CDK17: variants seen among roughly 807,000 people sequenced by gnomAD.
CDK17 encodes the protein cyclin dependent kinase 17, also known as cyclin-dependent kinase 17.
CDK17 carries 24 observed loss-of-function variants against 77.6 expected under a neutral mutation model. That is an observed-to-expected ratio of 0.31 (90% CI 0.22 to 0.44). CDK17 has a LOEUF of 0.44. Among genes scored for constraint, CDK17 ranks in the 20% least tolerant of loss-of-function variants. The probability of loss-of-function intolerance (pLI) is 1.00; values close to 1 mark genes in which losing one functional copy is unlikely to be tolerated. For synonymous variants in CDK17, 203 were observed against 210.4 expected, an observed-to-expected ratio of 0.96 and a Z score of 0.30; for missense variants, 429 against 622.5, an observed-to-expected ratio of 0.69 and a Z score of 3.31.
At chr12:96,339,590 C>T (rs944934857) in intron 1 of CDK17, among the ~76,000 whole-genome samples, 1 of 150,976 alleles carries the variant, frequency 6.6e-6, no homozygotes, top group East Asian at 1.9e-4. Context: ...CAGACAATAA[C>T]ATTTATTATC....
chr12:96,371,985 G>C (rs1240737254), intron 1 of CDK17, among the ~76,000 whole-genome samples: 1 of 114,004 alleles, frequency 8.8e-6, no homozygotes, highest in African/African-American at 3.6e-5. Flanking sequence ...CGGAGAGAGA[G>C]AGACAGTGTG....
At chr12:96,388,514 T>C (rs1392250159) in intron 1 of CDK17, among the ~76,000 whole-genome samples, 1 of 152,160 alleles carries the variant, frequency 6.6e-6, no homozygotes, top group Non-Finnish European at 1.5e-5. Flanking sequence ...CTGGGAAATA[T>C]GCAAAGTTCA....
At chr12:96,336,754 T>C (rs1481825700) in intron 1 of CDK17, among the ~76,000 whole-genome samples, 1 of 152,236 alleles carries the variant, frequency 6.6e-6, no homozygotes, top group Non-Finnish European at 1.5e-5. Flanking sequence ...TGTTGTGCTC[T>C]TAGTTTTAGT....
Position 96,282,603 on chromosome 12 carries a change from T to C in CDK17, c.1366-4A>G, listed in dbSNP as rs1403266482. On this transcript the variant is annotated splice_region_variant and splice_polypyrimidine_tract_variant and intron_variant, in intron 14 of 16. Transcript: ENST00000261211. Reference sequence around the variant, plus strand: ...AAACCCTTTTCTTAGATTCATACTGTGAAAAAGCAAAGAACTGCTTCATTA... The same window carrying C: ...AAACCCTTTTCTTAGATTCATACTGCGAAAAAGCAAAGAACTGCTTCATTA... 4 of 1,595,582 alleles carry C rather than the reference T, an allele frequency of 2.5e-6. No homozygotes were observed. The highest frequency in any genetic ancestry group is 3.3e-5 in the Admixed American group (2 of 59,788).
chr12:96,359,791 C>T (rs1182969156), intron 1 of CDK17, among the ~76,000 whole-genome samples: 1 of 152,008 alleles, frequency 6.6e-6, no homozygotes, highest in East Asian at 1.9e-4. Context: ...AAAGTTTAAA[C>T]CAAATCCCCA....
intron 1 of CDK17, among the ~76,000 whole-genome samples, chr12:96,369,704 G>A (rs1045598956): frequency 5.3e-5 from 8 of 152,160 alleles, no homozygotes; most frequent in South Asian, 2.1e-4. Context: ...GTTTGAACCC[G>A]GGAGGTGGAG....
At chr12:96,386,593 G>T (rs1953979797) in intron 1 of CDK17, among the ~76,000 whole-genome samples, 1 of 152,122 alleles carries the variant, frequency 6.6e-6, no homozygotes, top group Non-Finnish European at 1.5e-5. Flanking sequence ...ATGAGGCGGA[G>T]GTTGCAGTGA....
At position 96,278,822 on chromosome 12, in the gene CDK17, A is replaced by G. The variant is rs570007470; in HGVS notation, c.*1420T>C. 35 of 152,666 alleles carry G rather than the reference A, an allele frequency of 2.3e-4. No homozygotes were observed. The highest frequency in any genetic ancestry group is 7.9e-4 in the African/African-American group (33 of 41,568). 9.5% of individuals were successfully genotyped at this position (152,666 alleles called of 1,614,324 possible). A position where few individuals can be genotyped will look rare whatever the true frequency, so the allele number is the denominator to read the frequency against. On this transcript the variant is annotated 3_prime_UTR_variant, in exon 17 of 17. Coordinates refer to ENST00000261211, the MANE Select transcript of CDK17 (RefSeq NM_002595.5). Reference sequence around the variant, plus strand: ...TCGTGAAATATTAAAATAACACCCCAAACATGCCACAATCACTATTCACAA... The same window carrying G: ...TCGTGAAATATTAAAATAACACCCCGAACATGCCACAATCACTATTCACAA...
In CDK17 at chr12:96,400,324, G is replaced by C; in HGVS notation, c.-368C>G. Reference sequence around the variant, plus strand: ...GACGGCGGGCTGAGACTGTCTGGCCGGGCGCTGGCTCCTTCTCCGCGGCTC... The same window carrying C: ...GACGGCGGGCTGAGACTGTCTGGCCCGGCGCTGGCTCCTTCTCCGCGGCTC... On this transcript the variant is annotated 5_prime_UTR_variant, in exon 1 of 17. Transcript: ENST00000261211. The C allele has an allele frequency of 5.1e-6, 2 of 388,456 alleles. No homozygotes were observed. The highest frequency in any genetic ancestry group is 2.6e-4 in the South Asian group (2 of 7,564). 24.1% of individuals were successfully genotyped at this position (388,456 alleles called of 1,614,324 possible). A position where few individuals can be genotyped will look rare whatever the true frequency, so the allele number is the denominator to read the frequency against.
intron 1 of CDK17, among the ~76,000 whole-genome samples, chr12:96,382,578 T>C (rs1953901369): frequency 6.6e-6 from 1 of 151,880 alleles, no homozygotes; most frequent in African/African-American, 2.4e-5. Flanking sequence ...TTCAGAACAA[T>C]ATCCCCGATG....
intron 1 of CDK17, among the ~76,000 whole-genome samples, chr12:96,388,041 G>A (rs1954005192): frequency 6.6e-6 from 1 of 151,466 alleles, no homozygotes; most frequent in Non-Finnish European, 1.5e-5. Flanking sequence ...AGGCCAAGGT[G>A]GGAGGATTAC....
Position 96,323,975 on chromosome 12 carries a change from C to T in CDK17, c.256G>A (p.Ala86Thr), listed in dbSNP as rs964489103. 1 of 1,600,778 alleles carries T rather than the reference C, an allele frequency of 6.2e-7. No individual in the cohort carries two copies. The highest frequency in any genetic ancestry group is 8.5e-7 in the Non-Finnish European group (1 of 1,174,012). ...VIGGSLGSFM[A>T]MPRNGSRLDI... ...AATCTGCTTCCATTTCTGGGCATTGCCATGAAGGAGCCAAGGCTCCCTCCA... is the reference window on the plus strand; with the variant it reads ...AATCTGCTTCCATTTCTGGGCATTGTCATGAAGGAGCCAAGGCTCCCTCCA... The change falls in exon 3 of 17, where the codon GCA (alanine) becomes ACA (threonine). Residue 86 changes from alanine to threonine, a missense_variant. Ala to Thr is a moderately conservative substitution (Grantham distance 58, BLOSUM62 0). This residue lies in a region of CDK17 where 262 missense variants were observed against 385.4 expected (regional missense o/e 0.68). Transcript: ENST00000261211.
intron 1 of CDK17, among the ~76,000 whole-genome samples, chr12:96,350,863 C>T (rs1346019305): frequency 6.6e-6 from 1 of 152,030 alleles, no homozygotes; most frequent in African/African-American, 2.4e-5. Context: ...CAAAAACAGA[C>T]ATATTGGACT....
At chr12:96,361,454 C>T (rs1953491522) in intron 1 of CDK17, among the ~76,000 whole-genome samples, 1 of 152,164 alleles carries the variant, frequency 6.6e-6, no homozygotes, top group African/African-American at 2.4e-5. Context: ...TCAGCTCCAA[C>T]CTCGCAAAGC....
At chr12:96,318,143 G>T (rs1952759427) in intron 3 of CDK17, among the ~76,000 whole-genome samples, 1 of 149,708 alleles carries the variant, frequency 6.7e-6, no homozygotes, top group Non-Finnish European at 1.5e-5. Flanking sequence ...AGCAGGGGTT[G>T]CAATCCTAGT....
chr12:96,340,966 G>A (rs1373705095), intron 1 of CDK17, among the ~76,000 whole-genome samples: 2 of 152,076 alleles, frequency 1.3e-5, no homozygotes, highest in Non-Finnish European at 2.9e-5. Flanking sequence ...TACCCAATAG[G>A]TAGTTTTTTT....
At chr12:96,301,987 A>T (rs1025282326) in intron 5 of CDK17, among the ~76,000 whole-genome samples, 4 of 152,176 alleles carry the variant, frequency 2.6e-5, no homozygotes, top group African/African-American at 9.6e-5. Context: ...TAAACTAATT[A>T]AAACTTTGGT....
At chr12:96,347,260 T>G (rs1450968034) in intron 1 of CDK17, among the ~76,000 whole-genome samples, 2 of 152,002 alleles carry the variant, frequency 1.3e-5, no homozygotes, top group African/African-American at 4.8e-5. Context: ...ACCAGACAGA[T>G]TTATAAAGAA....
At chr12:96,358,192 C>T (rs1408491228) in intron 1 of CDK17, among the ~76,000 whole-genome samples, 3 of 151,288 alleles carry the variant, frequency 2.0e-5, no homozygotes, top group African/African-American at 7.3e-5. Flanking sequence ...ATGACAGTTA[C>T]AAATTAGGGA....
Sources: gnomAD v4.1 joint callset for allele counts (sites outside exome capture counted in the v4.1 genomes callset) on GRCh38, gnomAD v4.1.1 for gene constraint, gnomAD v4.1.1 regional missense constraint, MANE v1.5 for transcripts, NCBI Gene and HGNC (gene_info 2026-07-23, HGNC 2026-07-21) for gene names.